KLF8: variants seen among roughly 807,000 people sequenced by gnomAD.
KLF8 encodes KLF transcription factor 8, also known as Krueppel-like factor 8.
Under a neutral mutation model 18.2 loss-of-function variants are expected in KLF8, and 10 were observed. The ratio of observed to expected loss-of-function variants is 0.55; its 90% CI spans 0.34 to 0.93. The LOEUF is 0.93. KLF8 is among the 40% of genes least tolerant of loss of function. KLF8 has a pLI of 0.02. For synonymous variants in KLF8, 109 were observed against 97.3 expected, an observed-to-expected ratio of 1.12 and a Z score of -0.71; for missense variants, 264 against 277.9, an observed-to-expected ratio of 0.95 and a Z score of 0.36.
At chrX:55,935,038 T>C in the KLF8 span, among the ~76,000 whole-genome samples, 1 of 112,022 alleles carries the variant, frequency 8.9e-6, no homozygotes, top group Non-Finnish European at 1.9e-5. Context: ...TTCATACTAA[T>C]ACTAACCATA....
the KLF8 span, among the ~76,000 whole-genome samples, chrX:56,186,419 T>C: frequency 9.0e-6 from 1 of 110,974 alleles, no homozygotes; most frequent in Non-Finnish European, 1.9e-5. Context: ...TCCCACACAA[T>C]AATAATGGGA....
intron 2 of KLF8, among the ~76,000 whole-genome samples, chrX:56,264,494 T>C (rs2066938226): frequency 9.0e-6 from 1 of 110,657 alleles, no homozygotes; most frequent in Non-Finnish European, 1.9e-5. Flanking sequence ...AGATCATTTA[T>C]TAGTTTTTTT....
At chrX:56,077,528 T>C in the KLF8 span, among the ~76,000 whole-genome samples, 1 of 112,250 alleles carries the variant, frequency 8.9e-6, no homozygotes, top group African/African-American at 3.2e-5. Flanking sequence ...AGTACCATGC[T>C]GATTTGGTTA....
the KLF8 span, among the ~76,000 whole-genome samples, chrX:56,188,685 A>G: frequency 1.8e-5 from 2 of 111,722 alleles, no homozygotes; most frequent in African/African-American, 6.5e-5. Context: ...TAGATCAATG[A>G]AACAGAATAG....
the KLF8 span, among the ~76,000 whole-genome samples, chrX:56,180,960 T>G: frequency 8.9e-6 from 1 of 111,847 alleles, no homozygotes; most frequent in Non-Finnish European, 1.9e-5. Context: ...TGGAGAGTTC[T>G]GTATGTGTCT....
the KLF8 span, among the ~76,000 whole-genome samples, chrX:56,077,669 T>A: frequency 8.9e-6 from 1 of 111,957 alleles, no homozygotes; most frequent in Admixed American, 9.5e-5. Flanking sequence ...TTTTTTCCAA[T>A]TCTGTGAAGA....
the KLF8 span, among the ~76,000 whole-genome samples, chrX:56,047,854 A>G: frequency 6.3e-5 from 7 of 111,652 alleles, no homozygotes; most frequent in African/African-American, 1.3e-4. Context: ...GACTTCCACT[A>G]TGGTTGAACT....
the KLF8 span, among the ~76,000 whole-genome samples, chrX:56,093,586 G>A: frequency 3.6e-5 from 4 of 109,787 alleles, no homozygotes; most frequent in African/African-American, 1.3e-4. Context: ...AATGATATAG[G>A]TCAGAAGCTT....
At chrX:56,020,559 C>A in the KLF8 span, among the ~76,000 whole-genome samples, 2 of 111,448 alleles carry the variant, frequency 1.8e-5, no homozygotes, top group African/African-American at 6.5e-5. Context: ...TCACAGGATT[C>A]TGATTTGGGC....
chrX:56,254,760 C>A (rs1301295124), intron 2 of KLF8, among the ~76,000 whole-genome samples: 1 of 111,601 alleles, frequency 9.0e-6, no homozygotes, highest in Non-Finnish European at 1.9e-5. Flanking sequence ...CAAGCCACTT[C>A]TCTCCAACAT....
At chrX:56,167,033 G>A in the KLF8 span, among the ~76,000 whole-genome samples, 4 of 112,170 alleles carry the variant, frequency 3.6e-5, no homozygotes, top group Non-Finnish European at 7.5e-5. Context: ...CACTCTAAAA[G>A]GACAATGAGT....
the KLF8 span, among the ~76,000 whole-genome samples, chrX:56,206,089 T>G: frequency 1.8e-5 from 2 of 111,046 alleles, no homozygotes; most frequent in Non-Finnish European, 3.8e-5. Flanking sequence ...GAGACTTATT[T>G]ACTACCATGA....
chrX:55,965,325 A>C, the KLF8 span, among the ~76,000 whole-genome samples: 4 of 112,244 alleles, frequency 3.6e-5, no homozygotes, highest in South Asian at 3.7e-4. Flanking sequence ...CTTTCAATGA[A>C]ATTCAGTATT....
At chrX:55,990,192 T>G in the KLF8 span, among the ~76,000 whole-genome samples, 64 of 112,178 alleles carry the variant, frequency 5.7e-4, no homozygotes, top group African/African-American at 1.9e-3. Flanking sequence ...GATTTTTGTG[T>G]CTCTATTTCC....
At chrX:56,257,025 T>C (rs1032221354) in intron 2 of KLF8, among the ~76,000 whole-genome samples, 2 of 112,120 alleles carry the variant, frequency 1.8e-5, no homozygotes, top group Non-Finnish European at 3.8e-5. Flanking sequence ...TTAATTTCCC[T>C]AATTAAGTTA....
chrX:55,948,925 C>T, the KLF8 span, among the ~76,000 whole-genome samples: 1 of 112,193 alleles, frequency 8.9e-6, no homozygotes, highest in Non-Finnish European at 1.9e-5. Context: ...ATCTGTTATT[C>T]TAGCAATAAT....
At chrX:56,021,609 C>T in the KLF8 span, among the ~76,000 whole-genome samples, 1 of 107,987 alleles carries the variant, frequency 9.3e-6, no homozygotes. Context: ...TACATAACTC[C>T]AAAAATACAG....
At chrX:56,164,055 G>A in the KLF8 span, among the ~76,000 whole-genome samples, 1 of 110,674 alleles carries the variant, frequency 9.0e-6, no homozygotes, top group African/African-American at 3.3e-5. Context: ...TTTTTGCTTA[G>A]AACTGGCTTG....
the KLF8 span, among the ~76,000 whole-genome samples, chrX:56,022,745 T>A: frequency 9.3e-6 from 1 of 107,775 alleles, no homozygotes; most frequent in African/African-American, 3.4e-5. Context: ...TAGAATGAGG[T>A]TGGAGCCTCT....
Sources: gnomAD v4.1 joint callset for allele counts (sites outside exome capture counted in the v4.1 genomes callset) on GRCh38, gnomAD v4.1.1 for gene constraint, MANE v1.5 for transcripts, NCBI Gene and HGNC (gene_info 2026-07-23, HGNC 2026-07-21) for gene names.